Variants in NCOR2 observed in about 807,000 individuals in gnomAD.
The protein encoded by NCOR2 is CTG repeat protein 26.
A neutral mutation model predicts 262.9 loss-of-function variants in NCOR2; 81 were observed. The observed-to-expected ratio is 0.31, with a 90% confidence interval of 0.26 to 0.37. The LOEUF (loss-of-function observed/expected upper bound fraction) is 0.37. NCOR2 is among the 10% of genes least tolerant of loss of function. The probability of loss-of-function intolerance (pLI) is 1.00; values close to 1 mark genes in which losing one functional copy is unlikely to be tolerated. For missense variants in NCOR2, 3,385 were observed against 3,621.4 expected (o/e 0.93, Z 1.68); for synonymous variants, 1,659 against 1,559.3 (o/e 1.06, Z -1.51).
At chr12:124,385,929 G>A (rs1328731571) in intron 16 of NCOR2, 42 bp from the exon 19 acceptor site, 1 of 1,596,394 alleles carries the variant, frequency 6.3e-7, no homozygotes, top group Admixed American at 1.7e-5. Flanking sequence ...GCCAGGCCCG[G>A]CACGCAGAGG....
chr12:124,452,608 C>T (rs2045615219), intron 6 of NCOR2, among the ~76,000 whole-genome samples: 1 of 152,260 alleles, frequency 6.6e-6, no homozygotes, highest in Admixed American at 6.5e-5. Context: ...CCGAAGGGGG[C>T]CAGAAAGGGG....
chr12:124,532,900 TC>T (rs1353386207), intron 1 of NCOR2, among the ~76,000 whole-genome samples: 1 of 123,348 alleles, frequency 8.1e-6, no homozygotes, highest in Admixed American at 7.9e-5. Context: ...CACTCCTCTT[TC>T]CCCCCTCCCT....
chr12:124,360,253 C>T (rs1766897169), intron 22 of NCOR2, among the ~76,000 whole-genome samples: 1 of 152,248 alleles, frequency 6.6e-6, no homozygotes, highest in African/African-American at 2.4e-5. Flanking sequence ...ACACTGTACC[C>T]TGGCCCCAGG....
chr12:124,498,379 C>A (rs114295260), upstream of NCOR2, among the ~76,000 whole-genome samples: 1,242 of 152,308 alleles, frequency 8.2e-3, 17 homozygotes, highest in African/African-American at 0.029. Flanking sequence ...ACAGTGCCCA[C>A]CCCGGAGCAT....
chr12:124,439,367 G>GAGAGA (rs2044671575), intron 7 of NCOR2, among the ~76,000 whole-genome samples: 1 of 8,548 alleles, frequency 1.2e-4, no homozygotes, highest in Non-Finnish European at 2.1e-4. Flanking sequence ...ACAGAGACCC[G>GAGAGA]GAGACAGAGG....
chr12:124,526,545 C>T (rs1254961219), intron 1 of NCOR2, among the ~76,000 whole-genome samples: 1 of 152,134 alleles, frequency 6.6e-6, no homozygotes, highest in Non-Finnish European at 1.5e-5. Context: ...GCATGGACAG[C>T]GAACGAGGAC....
Position 124,378,849 on chromosome 12 carries a change from A to G in NCOR2, c.2020-465T>C, listed in dbSNP as rs1413282013. ...CGTTTCATTCCCTGAACCTTTACAG[A>G]ACACCTACTGTGTGCCCAGCTCTGC... On this transcript the variant is annotated intron_variant, in intron 17 of 46. Coordinates refer to ENST00000405201, the Ensembl canonical transcript of NCOR2. This position sits in a 1 kb window ranked among gnomAD's most constrained non-coding sequence, Gnocchi z 4.2. 6.6e-6 allele frequency among the ~76,000 whole-genome samples: 1 copy of G among 152,228 alleles called. No homozygotes were observed.
At chr12:124,448,996 A>G (rs903720197) in intron 7 of NCOR2, among the ~76,000 whole-genome samples, 4 of 152,114 alleles carry the variant, frequency 2.6e-5, no homozygotes, top group African/African-American at 9.7e-5. Context: ...CCACGTGGCC[A>G]TATGTTCCTC....
chr12:124,516,213 C>T (rs1014839361), intron 1 of NCOR2, among the ~76,000 whole-genome samples: 4 of 152,326 alleles, frequency 2.6e-5, no homozygotes, highest in African/African-American at 7.2e-5. Context: ...AGTCACTGGC[C>T]CAGCATCCGG....
intron 41 of NCOR2, among the ~76,000 whole-genome samples, chr12:124,333,891 T>TGTGCGG (rs1566353577): frequency 1.4e-5 from 2 of 143,752 alleles, no homozygotes; most frequent in African/African-American, 5.6e-5. Flanking sequence ...TGTGCATGTG[T>TGTGCGG]GTGTGCGCGC....
At chr12:124,377,444 A>T (rs1301459884) in intron 18 of NCOR2, among the ~76,000 whole-genome samples, 1 of 152,244 alleles carries the variant, frequency 6.6e-6, no homozygotes, top group African/African-American at 2.4e-5. Context: ...CTTGGGAATA[A>T]AAGGAGACAC....
In NCOR2 at chr12:124,398,116, C is replaced by T. The variant is rs375985589; in HGVS notation, c.1876+3G>A. On this transcript the variant is annotated splice_donor_region_variant and intron_variant, in intron 16 of 46. Transcript: ENST00000405201. ...AGGCTTAAAGCCGCCACACACCCCT[C>T]ACCTTTCTTGGCTGTTTCCATTTCT... 1.2e-5 allele frequency: 19 copies of T among 1,614,138 alleles called. 1 individual carries two copies. In the African/African-American group the frequency reaches 2.1e-4, roughly 18 times the overall value.
At chr12:124,338,897 ACCACCCACCCAT>A (rs2036134256) in intron 37 of NCOR2, among the ~76,000 whole-genome samples, 1 of 113,878 alleles carries the variant, frequency 8.8e-6, no homozygotes, top group East Asian at 4.2e-4. Flanking sequence ...ACCTAACCCT[ACCACCCACCCAT>A]CCACCCACCC....
At position 124,378,413 on chromosome 12, in the gene NCOR2, A is replaced by G. The variant is rs2040176998; in HGVS notation, c.2020-29T>C. The G allele has an allele frequency of 6.3e-7, 1 of 1,594,632 alleles. No homozygotes were observed. The highest frequency in any genetic ancestry group is 8.5e-7 in the Non-Finnish European group (1 of 1,171,910). ...GGGCACAGGGAAGCAGCAGATCAGG[A>G]CTGGGGCCTGGGCTGTCAGCTCGGG... On this transcript the variant is annotated intron_variant, in intron 17 of 46. Transcript: ENST00000405201. This position sits in a 1 kb window ranked among gnomAD's most constrained non-coding sequence, Gnocchi z 4.2.
chr12:124,358,228 G>A (rs1380517602), intron 22 of NCOR2, among the ~76,000 whole-genome samples: 1 of 149,654 alleles, frequency 6.7e-6, no homozygotes, highest in Non-Finnish European at 1.5e-5. Context: ...GTGTGTGAGT[G>A]CATGGATGTG....
At chr12:124,332,911 C>G (rs946787360) in intron 42 of NCOR2, among the ~76,000 whole-genome samples, 3 of 152,164 alleles carry the variant, frequency 2.0e-5, no homozygotes. Context: ...AGCTGAGATC[C>G]CAGCCCAAAG....
At chr12:124,480,679 C>T (rs572258827) in intron 3 of NCOR2, among the ~76,000 whole-genome samples, 69 of 152,182 alleles carry the variant, frequency 4.5e-4, no homozygotes, top group Non-Finnish European at 6.5e-4. Flanking sequence ...GCTGGACACA[C>T]ACGTGGGAGG....
At position 124,387,050 on chromosome 12, in the gene NCOR2, A is replaced by C. The variant is rs527430703; in HGVS notation, c.1877-1163T>G. On this transcript the variant is annotated intron_variant, in intron 16 of 46. Coordinates refer to ENST00000405201, the Ensembl canonical transcript of NCOR2. ...GGACATGGCAGCCTCTCTGAGCTGG[A>C]GCTCCACTTGTAAGGACTTTAATGA... Among the ~76,000 whole-genome samples the C allele has an allele frequency of 5.9e-5, 9 of 152,358 alleles. No homozygotes were observed. In the South Asian group the frequency reaches 1.9e-3, roughly 32 times the overall value.
At chr12:124,391,735 G>A (rs1025322319) in intron 16 of NCOR2, among the ~76,000 whole-genome samples, 3 of 152,148 alleles carry the variant, frequency 2.0e-5, no homozygotes, top group African/African-American at 4.8e-5. Flanking sequence ...AATTATACCC[G>A]TAAATCATAG....
Sources: allele counts gnomAD v4.1 joint callset (sites outside exome capture counted in the v4.1 genomes callset), GRCh38; gene constraint gnomAD v4.1.1; non-coding constraint Gnocchi (gnomAD v3.1); transcripts MANE v1.5; gene names NCBI Gene and HGNC (gene_info 2026-07-23, HGNC 2026-07-21).